The following TUSC3 variants were observed in gnomAD, a reference collection of about 807,000 sequenced individuals.
The protein encoded by TUSC3 is dolichyl-diphosphooligosaccharide--protein glycosyltransferase subunit TUSC3.
A neutral mutation model predicts 44.8 loss-of-function variants in TUSC3; 45 were observed. The ratio of observed to expected loss-of-function variants is 1.00; its 90% CI spans 0.79 to 1.29. The LOEUF is 1.29. Ranked by LOEUF, TUSC3 falls within the 50% of genes most tolerant of loss-of-function variation. The probability of loss-of-function intolerance (pLI) is 0.00; values close to 1 mark genes in which losing one functional copy is unlikely to be tolerated. For synonymous variants in TUSC3, 212 were observed against 152.9 expected (o/e 1.39, Z -2.85); for missense variants, 519 against 437.9 (o/e 1.19, Z -1.65).
At chr8:15,609,743 A>G (rs1311470894) in intron 1 of TUSC3, among the ~76,000 whole-genome samples, 1 of 143,326 alleles carries the variant, frequency 7.0e-6, no homozygotes, top group Non-Finnish European at 1.6e-5. Flanking sequence ...TCAGGAGGAC[A>G]ACAAACATTT....
chr8:15,689,187 G>A (rs767253035), intron 6 of TUSC3: 2 of 372,796 alleles, frequency 5.4e-6, no homozygotes, highest in South Asian at 4.6e-5. Context: ...AGAATAAGCA[G>A]CAAGGGCTGC....
intron 9 of TUSC3, among the ~76,000 whole-genome samples, chr8:15,749,694 A>G (rs1262630350): frequency 3.3e-5 from 5 of 151,152 alleles, no homozygotes; most frequent in Non-Finnish European, 5.9e-5. Flanking sequence ...ATGTGAAATA[A>G]TCAAATCCAA....
intron 2 of TUSC3, 87 bp from the exon 3 acceptor site, chr8:15,650,610 C>T (rs1315829774): frequency 1.1e-5 from 13 of 1,145,856 alleles, no homozygotes; most frequent in Admixed American, 3.4e-5. Flanking sequence ...CTGGCCAGTG[C>T]TTGTCCTAGG....
At chr8:15,549,247 C>T (rs991717571) in intron 1 of TUSC3, among the ~76,000 whole-genome samples, 19 of 151,790 alleles carry the variant, frequency 1.3e-4, no homozygotes, top group Admixed American at 1.1e-3. Flanking sequence ...TATCTCTGCT[C>T]ATTGCAACCC....
At chr8:15,607,312 T>TACCA (rs1252052357) in intron 1 of TUSC3, among the ~76,000 whole-genome samples, 4 of 152,124 alleles carry the variant, frequency 2.6e-5, no homozygotes, top group Admixed American at 1.3e-4. Context: ...GTAGAGACAG[T>TACCA]TCTAGGCTCT....
At chr8:15,742,010 A>G (rs1811220486) in intron 7 of TUSC3, among the ~76,000 whole-genome samples, 2 of 152,222 alleles carry the variant, frequency 1.3e-5, no homozygotes, top group East Asian at 1.9e-4. Flanking sequence ...GGTAATGTAT[A>G]CAAGTAGATG....
At chr8:15,459,533 T>C (rs1800311100) in intron 1 of TUSC3, among the ~76,000 whole-genome samples, 2 of 152,132 alleles carry the variant, frequency 1.3e-5, no homozygotes, top group Admixed American at 6.6e-5. Flanking sequence ...GTACATTCTT[T>C]AGTGGTGATT....
At chr8:15,601,352 A>C (rs1175379783) in intron 1 of TUSC3, among the ~76,000 whole-genome samples, 1 of 151,670 alleles carries the variant, frequency 6.6e-6, no homozygotes, top group African/African-American at 2.4e-5. Context: ...GTAGAAATGG[A>C]AGGCCCAAGT....
At chr8:15,720,015 C>T (rs1810233943) in intron 6 of TUSC3, among the ~76,000 whole-genome samples, 1 of 151,960 alleles carries the variant, frequency 6.6e-6, no homozygotes, top group Non-Finnish European at 1.5e-5. Flanking sequence ...AACTCCTGGG[C>T]TTAAGTGATC....
chr8:15,595,550 G>C (rs1804032546), intron 1 of TUSC3, among the ~76,000 whole-genome samples: 1 of 152,126 alleles, frequency 6.6e-6, no homozygotes, highest in African/African-American at 2.4e-5. Flanking sequence ...CCTGAAAACT[G>C]TTACATATGT....
chr8:15,441,524 C>G (rs1458902280), intron 1 of TUSC3, among the ~76,000 whole-genome samples: 1 of 152,154 alleles, frequency 6.6e-6, no homozygotes, highest in East Asian at 1.9e-4. Flanking sequence ...AACATAGATA[C>G]TTGAATGGAA....
chr8:15,565,160 G>C (rs1018578380), intron 1 of TUSC3, among the ~76,000 whole-genome samples: 1 of 148,230 alleles, frequency 6.7e-6, no homozygotes, highest in Non-Finnish European at 1.5e-5. Flanking sequence ...AAGCGTTGAG[G>C]GGAGCCTTTT....
intron 2 of TUSC3, among the ~76,000 whole-genome samples, chr8:15,489,000 T>C (rs1800771498): frequency 6.6e-6 from 1 of 152,104 alleles, no homozygotes; most frequent in Admixed American, 6.5e-5. Flanking sequence ...AGTGTGTTGA[T>C]GAAAAAGAGA....
chr8:15,767,275 A>T (rs2129226672), downstream of TUSC3, among the ~76,000 whole-genome samples: 1 of 152,102 alleles, frequency 6.6e-6, no homozygotes. Context: ...CTATACAAAG[A>T]TTTAACAAAG....
chr8:15,678,215 G>A (rs138771007), intron 6 of TUSC3, among the ~76,000 whole-genome samples: 1 of 152,220 alleles, frequency 6.6e-6, no homozygotes, highest in Admixed American at 6.5e-5. Flanking sequence ...CTGTTCTCTT[G>A]GCAAAGTTAT....
intron 5 of TUSC3, among the ~76,000 whole-genome samples, chr8:15,667,288 T>A (rs1012020575): frequency 6.6e-6 from 1 of 151,660 alleles, no homozygotes; most frequent in African/African-American, 2.4e-5. Context: ...CTTTTTTTTG[T>A]AACTAAAGCA....
chr8:15,715,881 TA>T (rs1169202356), intron 6 of TUSC3, among the ~76,000 whole-genome samples: 1 of 152,050 alleles, frequency 6.6e-6, no homozygotes, highest in Non-Finnish European at 1.5e-5. Flanking sequence ...CTTTTTTTAG[TA>T]TTGAGGTATG....
intron 1 of TUSC3, among the ~76,000 whole-genome samples, chr8:15,469,757 G>C (rs1800460465): frequency 6.6e-6 from 1 of 152,180 alleles, no homozygotes; most frequent in African/African-American, 2.4e-5. Flanking sequence ...ATGTCCTTCA[G>C]TGGATGAATG....
Position 15,727,793 on chromosome 8 carries a change from G to T in TUSC3, c.799-2873G>T, listed in dbSNP as rs145875415. 6.5e-3 allele frequency among the ~76,000 whole-genome samples: 990 copies of T among 152,254 alleles called. 14 individuals are homozygous for T. The highest frequency in any genetic ancestry group is 0.023 in the African/African-American group (942 of 41,558). Reference sequence around the variant, plus strand: ...TTTGTTGAAGTGGAAACTATGAAATGATTTGTTTGATTACATTTGATCACT... The same window carrying T: ...TTTGTTGAAGTGGAAACTATGAAATTATTTGTTTGATTACATTTGATCACT... On this transcript the variant is annotated intron_variant, in intron 6 of 10. Transcript: ENST00000503731.
Sources: allele counts gnomAD v4.1 joint callset (sites outside exome capture counted in the v4.1 genomes callset), GRCh38; gene constraint gnomAD v4.1.1; transcripts MANE v1.5; gene names NCBI Gene and HGNC (gene_info 2026-07-23, HGNC 2026-07-21).